The following NPAT variants were observed in gnomAD, a reference collection of about 807,000 sequenced individuals.
NPAT encodes protein NPAT.
In NPAT, 52 loss-of-function variants were observed where a neutral mutation model predicts 130.7. The observed-to-expected ratio is 0.40, with a 90% CI of 0.32 to 0.50. The LOEUF (loss-of-function observed/expected upper bound fraction) is 0.50. Ranked by LOEUF, NPAT falls within the 20% of genes least tolerant of loss-of-function variation. NPAT has a pLI of 0.68. For missense variants in NPAT, 1,687 were observed against 1,662.6 expected, an observed-to-expected ratio of 1.01 and a Z score of -0.26; for synonymous variants, 580 against 584.8, an observed-to-expected ratio of 0.99 and a Z score of 0.12.
intron 1 of NPAT, among the ~76,000 whole-genome samples, chr11:108,201,919 G>A (rs558776526): frequency 5.3e-5 from 8 of 152,282 alleles, no homozygotes; most frequent in African/African-American, 1.9e-4. Context: ...AACCTCCTTA[G>A]AGAACCCAGA....
Position 108,158,962 on chromosome 11 carries a change from A to AC in NPAT, c.4263_4264insG (p.Ser1422ValfsTer5). On this transcript the variant is annotated frameshift_variant, in exon 18 of 18. Transcript: ENST00000278612. LOFTEE classifies it high-confidence loss of function. Reference sequence around the variant, plus strand: ...AATGTTTACTCATCATAATGCAATGATAACAAAAATTTGTCTACATCCATT... The same window carrying AC: ...AATGTTTACTCATCATAATGCAATGACTAACAAAAATTTGTCTACATCCATT... The AC allele has an allele frequency of 6.2e-7, 1 of 1,605,408 alleles. No homozygotes were observed. Among genetic ancestry groups the AC allele is most frequent in the South Asian group, 1.1e-5 (1 of 90,950 alleles).
chr11:108,174,000 C>G (rs2077981274), intron 12 of NPAT, 149 bp from the exon 13 acceptor site: 1 of 733,520 alleles, frequency 1.4e-6, no homozygotes, highest in South Asian at 1.5e-5. Context: ...TTCCCATTTA[C>G]TGAGTATCAA....
At chr11:108,193,233 G>A (rs1327887741) in intron 3 of NPAT, among the ~76,000 whole-genome samples, 1 of 152,098 alleles carries the variant, frequency 6.6e-6, no homozygotes, top group Non-Finnish European at 1.5e-5. Context: ...GTGTATGACT[G>A]GCTTCTGTGT....
At chr11:108,187,817 TCTCAG>T (rs2078122450) in intron 7 of NPAT, among the ~76,000 whole-genome samples, 5 of 152,128 alleles carry the variant, frequency 3.3e-5, no homozygotes, top group African/African-American at 1.2e-4. Context: ...TTGCAAAAAA[TCTCAG>T]ATAACATCAT....
rs1193398767 is a variant in NPAT at position 108,161,266 on chromosome 11, C to T, written c.3820G>A (p.Gly1274Arg). ...TCTTCTTTATGTTTTTCCCCTGCCC[C>T]TGAGCCAGGTGTCCGGGGCACAGGT... ...DLPVPRTPGSGAGEKHKEEPI... is the reference protein window; with the variant it reads ...DLPVPRTPGSRAGEKHKEEPI... The change falls in exon 17 of 18, where the codon GGG becomes AGG. Residue 1274 changes from glycine (G) to arginine (R), a missense_variant. Gly to Arg is a moderately radical substitution (Grantham distance 125). Transcript: ENST00000278612. 1 of 1,614,058 alleles carries T rather than the reference C, an allele frequency of 6.2e-7. No homozygotes were observed. Among genetic ancestry groups the T allele is most frequent in the East Asian group, 2.2e-5 (1 of 44,896 alleles).
Position 108,173,524 on chromosome 11 carries a change from T to C in NPAT, c.1460A>G (p.Lys487Arg), listed in dbSNP as rs773156072. 6.2e-6 allele frequency: 10 copies of C among 1,614,220 alleles called. No individual in the cohort carries two copies. Among genetic ancestry groups the C allele is most frequent in the Middle Eastern group, 1.6e-4 (1 of 6,062 alleles). ...TETEMAIGIE[K>R]NSLSSNVPSE... Reference sequence around the variant, plus strand: ...CGGTACATTTGAAGACAAAGAGTTCTTTTCAATCCCTATAGCCATTTCAGT... The same window carrying C: ...CGGTACATTTGAAGACAAAGAGTTCCTTTCAATCCCTATAGCCATTTCAGT... The change falls in exon 13 of 18, where the codon AAG (lysine) becomes AGG (arginine). Residue 487 changes from lysine (K) to arginine (R), a missense_variant. Lys to Arg is a conservative substitution (Grantham distance 26). Coordinates refer to ENST00000278612, the MANE Select transcript of NPAT (RefSeq NM_002519.3).
intron 1 of NPAT, among the ~76,000 whole-genome samples, chr11:108,203,476 C>T (rs569821601): frequency 3.1e-4 from 47 of 152,248 alleles, no homozygotes; most frequent in African/African-American, 9.6e-4. Context: ...TCATCATACT[C>T]GAGTAAAGGC....
At chr11:108,208,822 G>A (rs191598778) in intron 1 of NPAT, among the ~76,000 whole-genome samples, 2 of 152,130 alleles carry the variant, frequency 1.3e-5, no homozygotes, top group Non-Finnish European at 2.9e-5. Flanking sequence ...GATAGCTATA[G>A]AACATTCCAG....
intron 7 of NPAT, among the ~76,000 whole-genome samples, chr11:108,187,488 T>C (rs140972190): frequency 3.8e-4 from 58 of 152,228 alleles, no homozygotes; most frequent in African/African-American, 8.2e-4. Flanking sequence ...TTTGTTATTT[T>C]ATATGGTGAA....
At chr11:108,194,081 A>T (rs1454252209) in intron 2 of NPAT, 64 bp from the exon 3 acceptor site, 2 of 890,016 alleles carry the variant, frequency 2.2e-6, no homozygotes, top group East Asian at 4.9e-5. Flanking sequence ...TCTCACAAGA[A>T]AAGATTCTAC....
chr11:108,212,394 G>T (rs1196992943), intron 1 of NPAT, among the ~76,000 whole-genome samples: 1 of 151,688 alleles, frequency 6.6e-6, no homozygotes, highest in Non-Finnish European at 1.5e-5. Flanking sequence ...GTGTGGTGGT[G>T]CATGCCTGTA....
At chr11:108,211,162 G>A (rs1483011726) in intron 1 of NPAT, among the ~76,000 whole-genome samples, 1 of 151,952 alleles carries the variant, frequency 6.6e-6, no homozygotes, top group Non-Finnish European at 1.5e-5. Flanking sequence ...GTTGCAGTGA[G>A]CCGAGATCGC....
At chr11:108,181,598 T>A (rs2078059076) in intron 10 of NPAT, among the ~76,000 whole-genome samples, 1 of 152,170 alleles carries the variant, frequency 6.6e-6, no homozygotes, top group Non-Finnish European at 1.5e-5. Flanking sequence ...AATTAAAAAT[T>A]AAAAAATAAA....
intron 2 of NPAT, among the ~76,000 whole-genome samples, chr11:108,196,753 GT>G (rs2078225549): frequency 6.6e-6 from 1 of 152,106 alleles, no homozygotes. Context: ...TGTATATTCT[GT>G]ATTCTATGAC....
rs182264205 is a variant in NPAT, at chr11:108,182,086, A to C, written c.906+3146T>G. ...ACTCATTCCAGCATTGCATAGAGAG[A>C]GCTGTGTCTTGCTGACCCAGACCCT... On this transcript the variant is annotated intron_variant, in intron 10 of 17. Transcript: ENST00000278612. Among the ~76,000 whole-genome samples the C allele has an allele frequency of 2.0e-5, 3 of 152,226 alleles. No individual in the cohort carries two copies. In the East Asian group the frequency reaches 5.8e-4, roughly 29 times the overall value.
intron 17 of NPAT, 58 bp from the exon 18 acceptor site, chr11:108,159,077 T>G: frequency 1.9e-6 from 2 of 1,072,800 alleles, no homozygotes; most frequent in South Asian, 2.6e-5. Context: ...GCTTTCTTAG[T>G]AAGTCACCTA....
In NPAT at chr11:108,173,294, A is replaced by G; in HGVS notation, c.1690T>C (p.Phe564Leu). ...SNDTVKLKIN[F>L]HGSKSSDSSE... ...GAATCTGATGACTTGGAACCATGAA[A>G]ATTAATTTTAAGTTTTACTGTATCA... The change falls in exon 13 of 18, where the codon TTT (phenylalanine) becomes CTT (leucine). Residue 564 changes from phenylalanine to leucine, a missense_variant. Physicochemically the swap from Phe to Leu is conservative, Grantham distance 22 (BLOSUM62 0). Around this residue, in one of 3 missense-constraint regions of NPAT, gnomAD observed 1,379 missense variants for 1,346.6 expected, o/e 1.02. Coordinates refer to ENST00000278612, the MANE Select transcript of NPAT (RefSeq NM_002519.3). The G allele has an allele frequency of 1.2e-6, 2 of 1,612,138 alleles. No individual in the cohort carries two copies. The highest frequency in any genetic ancestry group is 4.5e-5 in the East Asian group (2 of 44,846).
intron 1 of NPAT, among the ~76,000 whole-genome samples, chr11:108,222,133 C>G (rs553688734): frequency 1.3e-5 from 2 of 152,236 alleles, no homozygotes; most frequent in South Asian, 4.2e-4. Flanking sequence ...CAACACTGAA[C>G]CAAGGAAATT....
At chr11:108,184,886 T>C (rs2078091396) in intron 10 of NPAT, among the ~76,000 whole-genome samples, 1 of 152,206 alleles carries the variant, frequency 6.6e-6, no homozygotes, top group Non-Finnish European at 1.5e-5. Context: ...ATTATACAAT[T>C]TGTAGCAGTG....
Sources: allele counts gnomAD v4.1 joint callset (sites outside exome capture counted in the v4.1 genomes callset), GRCh38; gene constraint gnomAD v4.1.1; regional missense constraint gnomAD v4.1.1; transcripts MANE v1.5; gene names NCBI Gene and HGNC (gene_info 2026-07-23, HGNC 2026-07-21).